The following STXBP5L variants were observed in gnomAD, a reference collection of about 807,000 sequenced individuals.
The protein encoded by STXBP5L is syntaxin-binding protein 5-like.
A neutral mutation model predicts 144.5 loss-of-function variants in STXBP5L; 65 were observed. The observed-to-expected ratio is 0.45, with a 90% CI of 0.37 to 0.55. The LOEUF (loss-of-function observed/expected upper bound fraction) is 0.55. Among genes scored for constraint, STXBP5L ranks in the 20% least tolerant of loss-of-function variants. STXBP5L has a pLI of 0.00. For synonymous variants in STXBP5L, 505 were observed against 469.6 expected, an observed-to-expected ratio of 1.08 and a Z score of -0.97; for missense variants, 1,298 against 1,405.5, an observed-to-expected ratio of 0.92 and a Z score of 1.22.
At chr3:120,998,948 A>G (rs1943561751) in intron 3 of STXBP5L, among the ~76,000 whole-genome samples, 1 of 152,148 alleles carries the variant, frequency 6.6e-6, no homozygotes, top group African/African-American at 2.4e-5. Flanking sequence ...GAATTTCTTG[A>G]TTTCTGCTTA....
Position 120,995,010 on chromosome 3 carries a change from T to C in STXBP5L, c.287+39973T>C, listed in dbSNP as rs112398749. 6.7e-3 allele frequency among the ~76,000 whole-genome samples: 1,022 copies of C among 152,252 alleles called. 6 individuals carry two copies. Among genetic ancestry groups the C allele is most frequent in the South Asian group, 0.013 (62 of 4,826 alleles). ...TTCCAGGTTCAATTTTGGGAGGTTT[T>C]ATGTAACCAGGAGTTTATCCATTTC... On this transcript the variant is annotated intron_variant, in intron 3 of 26. Coordinates refer to ENST00000471454, the MANE Select transcript of STXBP5L (RefSeq NM_001308330.2).
chr3:121,055,212 A>T (rs1560067299), intron 5 of STXBP5L, among the ~76,000 whole-genome samples: 1 of 152,204 alleles, frequency 6.6e-6, no homozygotes, highest in Non-Finnish European at 1.5e-5. Flanking sequence ...ATCATAACTT[A>T]TTGGAGGAGA....
chr3:121,203,323 T>C (rs942000099), intron 9 of STXBP5L, among the ~76,000 whole-genome samples: 1 of 152,172 alleles, frequency 6.6e-6, no homozygotes, highest in Non-Finnish European at 1.5e-5. Flanking sequence ...CACAAATCTT[T>C]TAATCTAGTC....
chr3:121,233,596 T>G lies in STXBP5L; in HGVS notation c.1112-20T>G. The G allele has an allele frequency of 1.3e-6, 2 of 1,595,458 alleles. No individual in the cohort carries two copies. The highest frequency in any genetic ancestry group is 1.7e-6 in the Non-Finnish European group (2 of 1,169,464). On this transcript the variant is annotated intron_variant, in intron 11 of 26. Coordinates refer to ENST00000471454, the MANE Select transcript of STXBP5L (RefSeq NM_001308330.2). ...GTATATACAATATGAAAACTTTTCATTTTTTATTTTTACTTGTAGAATTTC... is the reference window on the plus strand; with the variant it reads ...GTATATACAATATGAAAACTTTTCAGTTTTTATTTTTACTTGTAGAATTTC...
chr3:120,997,347 GT>G (rs1264309595), intron 3 of STXBP5L, among the ~76,000 whole-genome samples: 2 of 152,172 alleles, frequency 1.3e-5, no homozygotes, highest in East Asian at 1.9e-4. Context: ...TCTGTTTTAA[GT>G]TCTTTGAGAA....
intron 3 of STXBP5L, among the ~76,000 whole-genome samples, chr3:120,988,184 T>C (rs568097108): frequency 1.3e-5 from 2 of 151,886 alleles, no homozygotes; most frequent in South Asian, 4.1e-4. Flanking sequence ...TTCTAGTTTC[T>C]TGAAGTAGGA....
chr3:121,175,427 T>C (rs545102721), intron 9 of STXBP5L, among the ~76,000 whole-genome samples: 28 of 152,272 alleles, frequency 1.8e-4, no homozygotes, highest in Non-Finnish European at 3.4e-4. Context: ...GTCCTGTACA[T>C]GTTCAACATT....
At chr3:121,353,123 G>A (rs569678658) in intron 20 of STXBP5L, among the ~76,000 whole-genome samples, 1 of 152,104 alleles carries the variant, frequency 6.6e-6, no homozygotes, top group East Asian at 1.9e-4. Context: ...TGTTCGTCAG[G>A]GATATTGGTC....
chr3:120,913,068 CT>C (rs1291897882), intron 2 of STXBP5L, among the ~76,000 whole-genome samples: 8 of 151,876 alleles, frequency 5.3e-5, no homozygotes, highest in Non-Finnish European at 8.9e-5. Context: ...CACCAGGGTT[CT>C]TTTTTTTCTT....
At chr3:121,149,865 A>T (rs368512069) in intron 7 of STXBP5L, among the ~76,000 whole-genome samples, 1 of 151,944 alleles carries the variant, frequency 6.6e-6, no homozygotes, top group Non-Finnish European at 1.5e-5. Context: ...GCTTTCTGAG[A>T]TTTACTTTTT....
At chr3:121,390,876 C>T (rs960998113) in intron 22 of STXBP5L, among the ~76,000 whole-genome samples, 1 of 152,008 alleles carries the variant, frequency 6.6e-6, no homozygotes, top group South Asian at 2.1e-4. Flanking sequence ...GGTTGCTCTT[C>T]TCGAGGAGTA....
rs1015817216 is a variant in STXBP5L at position 121,298,062 on chromosome 3, T to C, written c.2110+18106T>C. Among the ~76,000 whole-genome samples the C allele has an allele frequency of 1.6e-4, 25 of 152,210 alleles. 1 individual carries two copies. Among genetic ancestry groups the C allele is most frequent in the Admixed American group, 1.2e-3 (19 of 15,274 alleles). The stretch of plus-strand genomic sequence containing the variant: ...TTTTTTGATGAACCTCATTGCTGTT[T>C]TCCATCTCAGCTGTACCATTTTACA... On this transcript the variant is annotated intron_variant, in intron 19 of 26. Transcript: ENST00000471454.
intron 3 of STXBP5L, among the ~76,000 whole-genome samples, chr3:120,993,542 C>A (rs1034901261): frequency 6.6e-6 from 1 of 151,970 alleles, no homozygotes; most frequent in African/African-American, 2.4e-5. Context: ...TCCAGTTTTC[C>A]CAACCCTGTT....
chr3:120,918,081 C>T (rs702008), intron 2 of STXBP5L, among the ~76,000 whole-genome samples: 32,264 of 152,082 alleles, frequency 0.21, 3,639 homozygotes, highest in Non-Finnish European at 0.26. Context: ...ATTCCTTGGC[C>T]GATGGCCCCC....
intron 3 of STXBP5L, among the ~76,000 whole-genome samples, chr3:120,983,804 A>G (rs1478800567): frequency 6.6e-6 from 1 of 152,062 alleles, no homozygotes; most frequent in African/African-American, 2.4e-5. Context: ...GCTTTCTGTG[A>G]TTCTTGTCAC....
At chr3:121,209,416 TG>T (rs1425723031) in intron 10 of STXBP5L, among the ~76,000 whole-genome samples, 2 of 151,044 alleles carry the variant, frequency 1.3e-5, no homozygotes, top group African/African-American at 4.8e-5. Context: ...TATTTTTTTA[TG>T]TTTTTTTATT....
chr3:121,227,334 A>T (rs936690855), intron 11 of STXBP5L, among the ~76,000 whole-genome samples: 43 of 152,298 alleles, frequency 2.8e-4, no homozygotes, highest in Admixed American at 2.0e-3. Flanking sequence ...TAATCCCAGC[A>T]CTTTGGGAGG....
chr3:121,381,334 A>G lies in STXBP5L; in HGVS notation c.2389A>G (p.Ile797Val), dbSNP rs754757263. 3.7e-5 allele frequency: 59 copies of G among 1,596,008 alleles called. No homozygotes were observed. The highest frequency in any genetic ancestry group is 4.8e-5 in the Non-Finnish European group (56 of 1,175,400). Residue 797 changes from isoleucine (I) to valine (V), a missense_variant, in exon 22 of 27, where the codon ATC becomes GTC. By Grantham distance (29) the Ile-to-Val change is conservative. Transcript: ENST00000471454. ...CTATAATCGTTCTAGAAGCTCTAGT[A>G]TCTCCAGTATTGACAAAGATTCTAA... ...NSYNRSRSSS[I>V]SSIDKDSKEA...
At chr3:121,297,250 A>G (rs1009106675) in intron 19 of STXBP5L, among the ~76,000 whole-genome samples, 1 of 145,128 alleles carries the variant, frequency 6.9e-6, no homozygotes. Context: ...GATATTCCTG[A>G]TATTAGTGAT....
Sources: gnomAD v4.1 joint callset for allele counts (sites outside exome capture counted in the v4.1 genomes callset) on GRCh38, gnomAD v4.1.1 for gene constraint, MANE v1.5 for transcripts, NCBI Gene and HGNC (gene_info 2026-07-23, HGNC 2026-07-21) for gene names.